Variants in TMPRSS11F observed in about 807,000 individuals in gnomAD.
TMPRSS11F encodes transmembrane serine protease 11F.
In TMPRSS11F, 47 loss-of-function variants were observed where a neutral mutation model predicts 60.2. That is an observed-to-expected ratio of 0.78 (90% CI 0.62 to 1.00). The LOEUF is 1.00. TMPRSS11F is among the 50% of genes least tolerant of loss of function. The pLI, the probability that TMPRSS11F is intolerant of heterozygous loss-of-function variation, is 0.00. For synonymous variants in TMPRSS11F, 166 were observed against 167.3 expected, an observed-to-expected ratio of 0.99 and a Z score of 0.06; for missense variants, 519 against 522.9, an observed-to-expected ratio of 0.99 and a Z score of 0.07.
intron 8 of TMPRSS11F, among the ~76,000 whole-genome samples, chr4:68,060,351 CAAA>C (rs1347255741): frequency 8.2e-6 from 1 of 121,570 alleles, no homozygotes. Flanking sequence ...ACTAAAAATA[CAAA>C]AAAAAAAAAA....
At chr4:68,056,582 A>G (rs1723051531) in intron 9 of TMPRSS11F, among the ~76,000 whole-genome samples, 1 of 152,152 alleles carries the variant, frequency 6.6e-6, no homozygotes, top group Non-Finnish European at 1.5e-5. Flanking sequence ...GATTGAAAGA[A>G]TTATCATTGT....
chr4:68,076,589 T>C (rs1245417943), intron 3 of TMPRSS11F, among the ~76,000 whole-genome samples: 1 of 152,194 alleles, frequency 6.6e-6, no homozygotes, highest in African/African-American at 2.4e-5. Context: ...AACTCTACTC[T>C]AGTTTATTCT....
intron 1 of TMPRSS11F, among the ~76,000 whole-genome samples, chr4:68,118,117 G>T (rs183653945): frequency 6.6e-6 from 1 of 152,034 alleles, no homozygotes; most frequent in East Asian, 1.9e-4. Flanking sequence ...AAATAACCAG[G>T]GTCTCATATC....
chr4:68,109,042 T>G (rs1724356937), intron 1 of TMPRSS11F, among the ~76,000 whole-genome samples: 1 of 152,162 alleles, frequency 6.6e-6, no homozygotes, highest in Non-Finnish European at 1.5e-5. Flanking sequence ...AAAGCTCCCC[T>G]CACCTTTGCT....
chr4:68,075,982 G>C (rs1217656764), intron 3 of TMPRSS11F, among the ~76,000 whole-genome samples: 5 of 149,840 alleles, frequency 3.3e-5, no homozygotes, highest in Admixed American at 3.3e-4. Context: ...AACAGAGTGA[G>C]ACTCTGTCTC....
chr4:68,066,933 C>CA (rs550010835), intron 7 of TMPRSS11F, among the ~76,000 whole-genome samples: 5,390 of 64,896 alleles, frequency 0.083, 245 homozygotes, highest in African/African-American at 0.2. Flanking sequence ...GACTTCATCT[C>CA]AAAAAAAAAA....
intron 3 of TMPRSS11F, among the ~76,000 whole-genome samples, chr4:68,079,588 C>T (rs1422036676): frequency 2.6e-5 from 4 of 152,150 alleles, no homozygotes; most frequent in Non-Finnish European, 4.4e-5. Context: ...AAGTTTAACT[C>T]ATATTTACTT....
In TMPRSS11F at chr4:68,066,752, G is replaced by A. The variant is rs1472478751; in HGVS notation, c.756-1808C>T. ...AGATCGAGACCATCCTGGTTAACAC[G>A]GTGAAACCCTGTCACTACTAAAAAT... is the stretch of plus-strand genomic sequence containing the variant. On this transcript the variant is annotated intron_variant, in intron 7 of 9. Transcript: ENST00000356291. Among the ~76,000 whole-genome samples the A allele has an allele frequency of 2.0e-5, 3 of 151,936 alleles. No individual in the cohort carries two copies. The South Asian group carries it at 6.2e-4, about 32-fold the overall frequency.
At chr4:68,063,231 T>G (rs928280430) in intron 8 of TMPRSS11F, 1 of 579,674 alleles carries the variant, frequency 1.7e-6, no homozygotes, top group South Asian at 1.4e-5. Flanking sequence ...GGTAAGTTCA[T>G]GTACTCCACA....
intron 8 of TMPRSS11F, among the ~76,000 whole-genome samples, chr4:68,060,376 C>T (rs1376236934): frequency 3.3e-5 from 5 of 150,254 alleles, no homozygotes; most frequent in Admixed American, 6.6e-5. Flanking sequence ...ATTAGCCAGG[C>T]GTGATGGCGG....
intron 1 of TMPRSS11F, among the ~76,000 whole-genome samples, chr4:68,111,571 A>G (rs1470744059): frequency 1.3e-5 from 2 of 152,198 alleles, no homozygotes; most frequent in African/African-American, 2.4e-5. Context: ...AGGCTATAAA[A>G]GGAAACTATT....
intron 3 of TMPRSS11F, among the ~76,000 whole-genome samples, chr4:68,076,054 A>G (rs1404097169): frequency 6.6e-6 from 1 of 152,062 alleles, no homozygotes; most frequent in African/African-American, 2.4e-5. Flanking sequence ...AAATTTACAT[A>G]CTTAGAAATT....
At chr4:68,077,068 G>T (rs564251110) in intron 3 of TMPRSS11F, among the ~76,000 whole-genome samples, 1 of 152,140 alleles carries the variant, frequency 6.6e-6, no homozygotes, top group Non-Finnish European at 1.5e-5. Context: ...GACTACAAAG[G>T]CCAGTTCACA....
At chr4:68,093,820 A>C (rs1040925783) in intron 2 of TMPRSS11F, among the ~76,000 whole-genome samples, 1 of 150,984 alleles carries the variant, frequency 6.6e-6, no homozygotes, top group African/African-American at 2.4e-5. Context: ...ACTGGCCATC[A>C]GAGAACTGCA....
chr4:68,079,317 T>C (rs1723647977), intron 3 of TMPRSS11F, among the ~76,000 whole-genome samples: 1 of 152,076 alleles, frequency 6.6e-6, no homozygotes, highest in South Asian at 2.1e-4. Flanking sequence ...AGATCTTGTG[T>C]TAAGCGCATT....
intron 2 of TMPRSS11F, among the ~76,000 whole-genome samples, chr4:68,091,648 A>G (rs954405393): frequency 9.2e-5 from 14 of 151,976 alleles, no homozygotes; most frequent in African/African-American, 2.7e-4. Context: ...CAGCCCTAAT[A>G]TCCACATGGT....
Position 68,099,684 on chromosome 4 carries a change from C to A in TMPRSS11F, c.12-646G>T, listed in dbSNP as rs1179610907. ...GTGATATCTTTCAAGTGAAATTTTT[C>A]TGTAAATGACTTTATGCTTTTCTCT... On this transcript the variant is annotated intron_variant, in intron 1 of 9. Coordinates refer to ENST00000356291, the MANE Select transcript of TMPRSS11F (RefSeq NM_207407.2). Among the ~76,000 whole-genome samples the A allele has an allele frequency of 2.0e-5, 3 of 152,120 alleles. No individual in the cohort carries two copies. The East Asian group carries it at 5.8e-4, about 29-fold the overall frequency.
chr4:68,076,486 G>A (rs1723586295), intron 3 of TMPRSS11F, among the ~76,000 whole-genome samples: 3 of 152,064 alleles, frequency 2.0e-5, no homozygotes, highest in Admixed American at 6.5e-5. Context: ...TCACTCCATC[G>A]GTTACTTCTC....
In TMPRSS11F at chr4:68,060,096, T is replaced by C. The variant is rs113661731; in HGVS notation, c.1016-628A>G. On this transcript the variant is annotated intron_variant, in intron 8 of 9. Coordinates refer to ENST00000356291, the MANE Select transcript of TMPRSS11F (RefSeq NM_207407.2). ...GAAGCTATTGGTGAGTAGCCCTGAG[T>C]TAGCTGTAAGAGACTTTTAAGAACC... Among the ~76,000 whole-genome samples the C allele has an allele frequency of 5.1e-3, 769 of 152,010 alleles. 9 individuals carry two copies. Among genetic ancestry groups the C allele is most frequent in the African/African-American group, 0.018 (749 of 41,454 alleles).
Sources: allele counts gnomAD v4.1 joint callset (sites outside exome capture counted in the v4.1 genomes callset), GRCh38; gene constraint gnomAD v4.1.1; transcripts MANE v1.5; gene names NCBI Gene and HGNC (gene_info 2026-07-23, HGNC 2026-07-21).